Variants in RBFOX1 observed in about 807,000 individuals in gnomAD.
RBFOX1 encodes RNA binding protein fox-1 homolog 1.
A neutral mutation model predicts 57.7 loss-of-function variants in RBFOX1; 8 were observed. The observed-to-expected ratio is 0.14, with a 90% CI of 0.08 to 0.25. The LOEUF is 0.25. Among genes scored for constraint, RBFOX1 ranks in the 10% least tolerant of loss-of-function variants. The pLI is 1.00. For missense variants in RBFOX1, 611 were observed against 548.5 expected, an observed-to-expected ratio of 1.11 and a Z score of -1.14; for synonymous variants, 326 against 222.4, an observed-to-expected ratio of 1.47 and a Z score of -4.15.
chr16:7,330,518 G>GTGTGTGTGTGTGTGTT (rs1400189174), intron 4 of RBFOX1, among the ~76,000 whole-genome samples: 1 of 133,432 alleles, frequency 7.5e-6, no homozygotes, highest in African/African-American at 3.0e-5. Flanking sequence ...GTTTGTGTGT[G>GTGTGTGTGTGTGTGTT]TGTGTGTAGA....
At chr16:7,647,825 A>C (rs1300854872) in intron 11 of RBFOX1, among the ~76,000 whole-genome samples, 1 of 152,192 alleles carries the variant, frequency 6.6e-6, no homozygotes, top group Non-Finnish European at 1.5e-5. Flanking sequence ...GGTATTTGGC[A>C]TGTCTGGATC....
At chr16:5,810,858 G>GA (rs948446613) in intron 3 of RBFOX1, among the ~76,000 whole-genome samples, 3 of 151,160 alleles carry the variant, frequency 2.0e-5, no homozygotes, top group African/African-American at 4.9e-5. Context: ...CTCTTGTTTA[G>GA]AAAAAAAAAT....
At chr16:5,834,962 C>A (rs962503887) in intron 3 of RBFOX1, among the ~76,000 whole-genome samples, 2 of 152,190 alleles carry the variant, frequency 1.3e-5, no homozygotes, top group African/African-American at 4.8e-5. Flanking sequence ...TACATTCCCA[C>A]CAACAGTGCG....
At chr16:6,162,387 T>C (rs1190719963) in intron 1 of RBFOX1, among the ~76,000 whole-genome samples, 1 of 152,184 alleles carries the variant, frequency 6.6e-6, no homozygotes, top group Non-Finnish European at 1.5e-5. Context: ...ACTGCTGGGA[T>C]TACTGTCGTG....
chr16:7,299,052 C>G (rs887323734), intron 4 of RBFOX1, among the ~76,000 whole-genome samples: 1 of 152,102 alleles, frequency 6.6e-6, no homozygotes, highest in Non-Finnish European at 1.5e-5. Flanking sequence ...GGACAGATAT[C>G]TAGAATTAGA....
intron 3 of RBFOX1, among the ~76,000 whole-genome samples, chr16:5,763,208 A>C (rs1198173943): frequency 6.6e-6 from 1 of 151,954 alleles, no homozygotes; most frequent in Non-Finnish European, 1.5e-5. Context: ...CGCTGTTGGC[A>C]CTTTAAGCTT....
At chr16:5,716,553 A>G (rs1316304624) in intron 3 of RBFOX1, among the ~76,000 whole-genome samples, 1 of 152,240 alleles carries the variant, frequency 6.6e-6, no homozygotes, top group Non-Finnish European at 1.5e-5. Context: ...AAGTCAAACA[A>G]TAACAGATGT....
intron 2 of RBFOX1, among the ~76,000 whole-genome samples, chr16:6,376,956 A>T (rs1162869721): frequency 6.6e-6 from 1 of 151,562 alleles, no homozygotes; most frequent in East Asian, 1.9e-4. Context: ...TCTGTCTCCA[A>T]ACTTCCTTCT....
At chr16:6,126,384 C>A (rs752731475) in intron 1 of RBFOX1, among the ~76,000 whole-genome samples, 1 of 152,140 alleles carries the variant, frequency 6.6e-6, no homozygotes, top group African/African-American at 2.4e-5. Context: ...GCATTGAATG[C>A]GCACTATGTG....
chr16:6,808,317 C>T (rs1001108079), intron 3 of RBFOX1, among the ~76,000 whole-genome samples: 5 of 151,886 alleles, frequency 3.3e-5, no homozygotes, highest in South Asian at 2.1e-4. Context: ...ATCACCCCAC[C>T]ACTGATTCCC....
At chr16:7,445,847 T>C (rs936715244) in intron 4 of RBFOX1, among the ~76,000 whole-genome samples, 5 of 152,214 alleles carry the variant, frequency 3.3e-5, no homozygotes, top group African/African-American at 1.2e-4. Flanking sequence ...TATTTGCTCA[T>C]TGAAGTGGGT....
chr16:5,389,844 C>T (rs952153108), intron 1 of RBFOX1, among the ~76,000 whole-genome samples: 2 of 151,826 alleles, frequency 1.3e-5, no homozygotes, highest in African/African-American at 4.8e-5. Context: ...ATTACAGGTG[C>T]CTGCCACCAC....
At chr16:6,647,036 C>G (rs761893236) in intron 2 of RBFOX1, among the ~76,000 whole-genome samples, 1 of 152,138 alleles carries the variant, frequency 6.6e-6, no homozygotes, top group Non-Finnish European at 1.5e-5. Context: ...AGAACATTTA[C>G]TTTGTCATAG....
At chr16:5,474,441 G>C (rs2069247893) in intron 2 of RBFOX1, among the ~76,000 whole-genome samples, 1 of 152,134 alleles carries the variant, frequency 6.6e-6, no homozygotes, top group African/African-American at 2.4e-5. Flanking sequence ...ATCACCTGAG[G>C]TCAGGAGTTC....
In RBFOX1 at chr16:5,936,201, G is replaced by A. The variant is rs556084244; in HGVS notation, c.351+68866G>A. On this transcript the variant is annotated intron_variant, in intron 4 of 19. Coordinates refer to the RBFOX1 transcript ENST00000641259. Reference sequence around the variant, plus strand: ...TGCCGTGGCGTGATCTTGGCTCACTGCAACTTCTGTCTCCCAGGTTCAAGC... The same window carrying A: ...TGCCGTGGCGTGATCTTGGCTCACTACAACTTCTGTCTCCCAGGTTCAAGC... Among the ~76,000 whole-genome samples the A allele has an allele frequency of 7.9e-5, 12 of 152,268 alleles. No homozygotes were observed. In the South Asian group the frequency reaches 2.5e-3, roughly 32 times the overall value.
At chr16:6,754,950 C>T (rs973507746) in intron 3 of RBFOX1, among the ~76,000 whole-genome samples, 7 of 151,842 alleles carry the variant, frequency 4.6e-5, no homozygotes, top group Admixed American at 6.6e-5. Flanking sequence ...TGAGAATATG[C>T]GGTGTTTGGT....
At chr16:6,704,818 A>AC (rs1194035259) in intron 3 of RBFOX1, 1 of 150,884 alleles carries the variant, frequency 6.6e-6, no homozygotes, top group Non-Finnish European at 1.5e-5. Context: ...TTCCTTTCCC[A>AC]CCCTCTTTGT....
intron 2 of RBFOX1, among the ~76,000 whole-genome samples, chr16:5,588,663 A>C (rs937982157): frequency 1.3e-5 from 2 of 152,120 alleles, no homozygotes; most frequent in Admixed American, 1.3e-4. Flanking sequence ...GCAGACTTAG[A>C]GGGCTGGGAG....
intron 2 of RBFOX1, among the ~76,000 whole-genome samples, chr16:6,557,907 T>C (rs2097127403): frequency 6.6e-6 from 1 of 152,200 alleles, no homozygotes; most frequent in Non-Finnish European, 1.5e-5. Flanking sequence ...CCAATGCTTC[T>C]TCAGCGATAT....
Sources: gnomAD v4.1 joint callset for allele counts (sites outside exome capture counted in the v4.1 genomes callset) on GRCh38, gnomAD v4.1.1 for gene constraint, MANE v1.5 for transcripts, NCBI Gene and HGNC (gene_info 2026-07-23, HGNC 2026-07-21) for gene names.